The following RTN4 variants were observed in gnomAD, a reference collection of about 807,000 sequenced individuals.
RTN4 encodes the protein reticulon-4.
In RTN4, 32 loss-of-function variants were observed where a neutral mutation model predicts 90.4. The ratio of observed to expected loss-of-function variants is 0.35; its 90% CI spans 0.27 to 0.48. The LOEUF (loss-of-function observed/expected upper bound fraction) is 0.48, where lower values mean the gene tolerates loss of function less well. Among genes scored for constraint, RTN4 ranks in the 20% least tolerant of loss-of-function variants. The pLI is 0.99. For missense variants in RTN4, 1,706 were observed against 1,430.2 expected (o/e 1.19, Z -3.11); for synonymous variants, 629 against 552.5 (o/e 1.14, Z -1.94).
the RTN4 span, among the ~76,000 whole-genome samples, chr2:55,132,644 T>G: frequency 2.6e-5 from 4 of 151,914 alleles, no homozygotes; most frequent in Non-Finnish European, 2.9e-5. Context: ...TACCCCTGTC[T>G]CTACAAAAAA....
At chr2:55,002,459 C>T (rs1020325805) in intron 3 of RTN4, among the ~76,000 whole-genome samples, 6 of 152,154 alleles carry the variant, frequency 3.9e-5, no homozygotes, top group South Asian at 2.1e-4. Context: ...AAGGATAACA[C>T]GAATTTCTCT....
chr2:55,064,157 C>A (rs1668350165), intron 2 of RTN4, among the ~76,000 whole-genome samples: 1 of 148,584 alleles, frequency 6.7e-6, no homozygotes, highest in African/African-American at 2.5e-5. Context: ...AGGAGTGGCA[C>A]CATGATGGCT....
Position 55,028,198 on chromosome 2 carries a change from AG to A in RTN4, c.578del (p.Pro193LeufsTer7). 1 of 1,613,166 alleles carries A rather than the reference AG, an allele frequency of 6.2e-7. No homozygotes were observed. Among genetic ancestry groups the A allele is most frequent in the Non-Finnish European group, 8.5e-7 (1 of 1,179,476 alleles). On this transcript the variant is annotated frameshift_variant, in exon 2 of 9. Coordinates refer to ENST00000337526, the MANE Select transcript of RTN4 (RefSeq NM_020532.5). LOFTEE classifies it high-confidence loss of function. ...AGCGTATCACAGGCTCAGATGCAGCAGGAAGAGCAAAAAGGGTCTCATCTGA... is the reference window on the plus strand; with the variant it reads ...AGCGTATCACAGGCTCAGATGCAGCAGAAGAGCAAAAAGGGTCTCATCTGA... Reference protein sequence around the residue: ...GSVDETLFALPAASEPVIRSS... With the variant: ...GSVDETLFALXAASEPVIRSS...
At chr2:55,014,216 GACAGT>G (rs1305283938) in intron 3 of RTN4, among the ~76,000 whole-genome samples, 3 of 152,008 alleles carry the variant, frequency 2.0e-5, no homozygotes, top group Non-Finnish European at 4.4e-5. Flanking sequence ...GAAAATGAAT[GACAGT>G]ACAAGTTAAA....
chr2:55,040,527 T>C (rs1324138470), intron 1 of RTN4, among the ~76,000 whole-genome samples: 1 of 151,800 alleles, frequency 6.6e-6, no homozygotes, highest in Non-Finnish European at 1.5e-5. Flanking sequence ...TTTAGGCGAG[T>C]TTATAAATCA....
At chr2:55,105,526 G>T (rs891354120) in intron 1 of RTN4, among the ~76,000 whole-genome samples, 5 of 152,094 alleles carry the variant, frequency 3.3e-5, no homozygotes, top group South Asian at 2.1e-4. Context: ...CACCATGCTG[G>T]CTGAGATTGT....
At chr2:55,079,166 G>T (rs751272457) in intron 2 of RTN4, among the ~76,000 whole-genome samples, 2 of 152,192 alleles carry the variant, frequency 1.3e-5, no homozygotes, top group Non-Finnish European at 2.9e-5. Flanking sequence ...ACAAGGGAAG[G>T]GCCAAAGAGG....
chr2:55,052,625 T>C (rs954933124), upstream of RTN4, among the ~76,000 whole-genome samples: 2 of 152,180 alleles, frequency 1.3e-5, no homozygotes, highest in African/African-American at 2.4e-5. Context: ...TAATGCCAAA[T>C]GAATTTAAAC....
At chr2:55,073,237 GATAACCTTTAGCT>G (rs1445846369) in intron 2 of RTN4, among the ~76,000 whole-genome samples, 1 of 152,176 alleles carries the variant, frequency 6.6e-6, no homozygotes, top group Non-Finnish European at 1.5e-5. Flanking sequence ...GCCTGCTGGG[GATAACCTTTAGCT>G]CAATCTCTAT....
chr2:55,021,357 C>T (rs890689066), intron 3 of RTN4, among the ~76,000 whole-genome samples: 2 of 151,262 alleles, frequency 1.3e-5, no homozygotes, highest in African/African-American at 4.9e-5. Flanking sequence ...TTGCATAAAG[C>T]GCAAAACTTT....
chr2:55,024,865 G>A (rs889578187), intron 3 of RTN4, among the ~76,000 whole-genome samples: 4 of 152,152 alleles, frequency 2.6e-5, no homozygotes, highest in Non-Finnish European at 5.9e-5. Flanking sequence ...GTTCCATAGT[G>A]CAATATAAAA....
chr2:55,103,689 ATG>A (rs1667892901), intron 1 of RTN4, among the ~76,000 whole-genome samples: 1 of 152,056 alleles, frequency 6.6e-6, no homozygotes, highest in African/African-American at 2.4e-5. Context: ...TACTTTAAAA[ATG>A]TGTAGCTTTT....
At chr2:55,113,473 G>C (rs1452875278), upstream of RTN4, among the ~76,000 whole-genome samples, 1 of 152,194 alleles carries the variant, frequency 6.6e-6, no homozygotes, top group Non-Finnish European at 1.5e-5. Context: ...CTTTTGGAAA[G>C]CTTCTGTCTG....
chr2:55,061,806 C>A (rs1180059924), intron 2 of RTN4, among the ~76,000 whole-genome samples: 2 of 152,160 alleles, frequency 1.3e-5, no homozygotes, highest in Non-Finnish European at 2.9e-5. Context: ...CACCCCCGGT[C>A]CTGTGCCCAT....
chr2:55,060,873 T>A (rs1258724882), intron 2 of RTN4: 2 of 152,198 alleles, frequency 1.3e-5, no homozygotes, highest in African/African-American at 4.8e-5. Context: ...TCAGCCAAGA[T>A]CATACCACTG....
intron 1 of RTN4, among the ~76,000 whole-genome samples, chr2:55,099,176 C>T (rs1667806845): frequency 6.6e-6 from 1 of 152,060 alleles, no homozygotes; most frequent in Non-Finnish European, 1.5e-5. Context: ...CTGGGGCATA[C>T]AGTTCATATA....
Position 55,026,752 on chromosome 2 carries a change from A to C in RTN4, c.1347T>G (p.Ser449Arg), listed in dbSNP as rs1264961883. The C allele has an allele frequency of 1.2e-6, 2 of 1,613,816 alleles. No homozygotes were observed. The highest frequency in any genetic ancestry group is 1.7e-6 in the Non-Finnish European group (2 of 1,179,886). Residue 449 changes from serine to arginine, a missense_variant, in exon 3 of 9, where the codon AGT becomes AGG. Ser to Arg is a moderately radical substitution (Grantham distance 110). Transcript: ENST00000337526. ...ESSNDDTSFP[S>R]TPEGIKDRSG... ...AACGATCCTTTATACCTTCTGGCGT[A>C]CTGGGGAAAGAAGTATCATCATTAC...
the RTN4 span, among the ~76,000 whole-genome samples, chr2:55,129,122 GA>G: frequency 3.6e-5 from 4 of 112,148 alleles, no homozygotes; most frequent in African/African-American, 1.0e-4. Context: ...AAAAAAAAAA[GA>G]AAAAAAAAAG....
chr2:55,109,135 A>C (rs1485105184), intron 1 of RTN4, among the ~76,000 whole-genome samples: 1 of 152,148 alleles, frequency 6.6e-6, no homozygotes, highest in African/African-American at 2.4e-5. Flanking sequence ...ATAAATTTTA[A>C]GTTCCTGAAA....
Sources: gnomAD v4.1 joint callset for allele counts (sites outside exome capture counted in the v4.1 genomes callset) on GRCh38, gnomAD v4.1.1 for gene constraint, MANE v1.5 for transcripts, NCBI Gene and HGNC (gene_info 2026-07-23, HGNC 2026-07-21) for gene names.